TMEM39A: variants seen among roughly 807,000 people sequenced by gnomAD.
TMEM39A encodes the protein suppressor of SQST-1 aggregates in rpl-43 mutants.
In TMEM39A, 19 loss-of-function variants were observed where a neutral mutation model predicts 51.9. The observed-to-expected ratio is 0.37, with a 90% confidence interval of 0.26 to 0.54. The LOEUF (loss-of-function observed/expected upper bound fraction) is 0.54, where lower values mean the gene tolerates loss of function less well. TMEM39A is among the 20% of genes least tolerant of loss of function. The pLI, the probability that TMEM39A is intolerant of heterozygous loss-of-function variation, is 0.88. For synonymous variants in TMEM39A, 197 were observed against 220.2 expected, an observed-to-expected ratio of 0.89 and a Z score of 0.93; for missense variants, 433 against 590.5, an observed-to-expected ratio of 0.73 and a Z score of 2.76.
chr3:119,450,249 A>C (rs938638623), intron 4 of TMEM39A, among the ~76,000 whole-genome samples: 2 of 152,172 alleles, frequency 1.3e-5, no homozygotes, highest in Non-Finnish European at 2.9e-5. Flanking sequence ...ATTAGTTTGT[A>C]TGTCCTTCTG....
chr3:119,462,151 G>T lies in TMEM39A; in HGVS notation c.-74-3C>A. Reference sequence around the variant, plus strand: ...ATGGTTGTCAACCAGTTTCAACTCTGAACGACAACAAAAACATTTAAACAT... The same window carrying T: ...ATGGTTGTCAACCAGTTTCAACTCTTAACGACAACAAAAACATTTAAACAT... On this transcript the variant is annotated splice_polypyrimidine_tract_variant and splice_region_variant and intron_variant, in intron 1 of 8. Transcript: ENST00000319172. 9.2e-7 allele frequency: 1 copy of T among 1,081,510 alleles called. No homozygotes were observed. Among genetic ancestry groups the T allele is most frequent in the Non-Finnish European group, 1.4e-6 (1 of 724,442 alleles). 67.0% of individuals were successfully genotyped at this position (1,081,510 alleles called of 1,614,324 possible). A position where few individuals can be genotyped will look rare whatever the true frequency, so the allele number is the denominator to read the frequency against.
chr3:119,440,207 T>C (rs1243635053), intron 5 of TMEM39A, among the ~76,000 whole-genome samples: 1 of 152,132 alleles, frequency 6.6e-6, no homozygotes, highest in Non-Finnish European at 1.5e-5. Flanking sequence ...GAGTGTGTGG[T>C]AGATTGTAAT....
intron 5 of TMEM39A, among the ~76,000 whole-genome samples, chr3:119,444,908 T>C (rs1465856129): frequency 6.6e-6 from 1 of 152,090 alleles, no homozygotes; most frequent in Non-Finnish European, 1.5e-5. Context: ...ATCCTGTCTC[T>C]ACAAAACAAA....
In TMEM39A at chr3:119,445,198, G is replaced by A. The variant is rs1232979289; in HGVS notation, c.575+1820C>T. On this transcript the variant is annotated intron_variant, in intron 5 of 8. Coordinates refer to ENST00000319172, the MANE Select transcript of TMEM39A (RefSeq NM_018266.3). The stretch of plus-strand genomic sequence containing the variant: ...CTTGACAGGGGATTAAGTCACACAG[G>A]TATGTCCACATTTAACAAAACTCCA... 5.3e-5 allele frequency among the ~76,000 whole-genome samples: 8 copies of A among 152,294 alleles called. No individual in the cohort carries two copies. The East Asian group carries it at 1.4e-3, about 26-fold the overall frequency.
At chr3:119,454,780 T>TC (rs2081243770) in intron 3 of TMEM39A, among the ~76,000 whole-genome samples, 2 of 151,700 alleles carry the variant, frequency 1.3e-5, no homozygotes, top group South Asian at 4.2e-4. Context: ...AGAGCCAAAC[T>TC]CCGTCTCAAA....
In TMEM39A at chr3:119,436,891, A is replaced by G; in HGVS notation, c.1012T>C (p.Leu338=). 6.2e-7 allele frequency: 1 copy of G among 1,614,064 alleles called. No individual in the cohort carries two copies. Among genetic ancestry groups the G allele is most frequent in the Non-Finnish European group, 8.5e-7 (1 of 1,179,950 alleles). Residue 338 remains leucine, a synonymous_variant, in exon 7 of 9, where the codon TTG becomes CTG. Transcript: ENST00000319172. ...AGCAAATCACAGTATTTGGATGGCA[A>G]CAGTTGCGTGGTGAGCATGACAAAA... The part of the protein sequence containing the change: ...NAFVMLTTQL[L]PSKYCDLLHK...
intron 5 of TMEM39A, among the ~76,000 whole-genome samples, chr3:119,440,217 T>C (rs1261954121): frequency 6.6e-6 from 1 of 152,182 alleles, no homozygotes; most frequent in Non-Finnish European, 1.5e-5. Context: ...TAGATTGTAA[T>C]GATGGCCCCA....
intron 5 of TMEM39A, among the ~76,000 whole-genome samples, chr3:119,440,625 CCT>C (rs2081040069): frequency 6.6e-6 from 1 of 151,980 alleles, no homozygotes; most frequent in Non-Finnish European, 1.5e-5. Flanking sequence ...CAGAAAAGGG[CCT>C]CTTTCTTAGT....
chr3:119,453,441 A>T (rs2081224662), intron 3 of TMEM39A, among the ~76,000 whole-genome samples: 1 of 152,242 alleles, frequency 6.6e-6, no homozygotes, highest in Admixed American at 6.5e-5. Flanking sequence ...CTGCATCACC[A>T]TAAAATTTAA....
At chr3:119,445,464 C>A (rs543252533) in intron 5 of TMEM39A, among the ~76,000 whole-genome samples, 1 of 152,288 alleles carries the variant, frequency 6.6e-6, no homozygotes, top group South Asian at 2.1e-4. Flanking sequence ...GGGGTTTCGC[C>A]ATGTTGGCGA....
intron 3 of TMEM39A, among the ~76,000 whole-genome samples, chr3:119,457,784 A>T (rs187451048): frequency 6.6e-6 from 1 of 152,332 alleles, no homozygotes; most frequent in African/African-American, 2.4e-5. Context: ...ATATTATTAT[A>T]AAAAATTATT....
intron 1 of TMEM39A, among the ~76,000 whole-genome samples, chr3:119,462,362 C>T (rs771633298): frequency 3.3e-5 from 5 of 152,082 alleles, no homozygotes; most frequent in Non-Finnish European, 7.4e-5. Context: ...CAGCTTTAGG[C>T]AAGTGATGAT....
intron 1 of TMEM39A, among the ~76,000 whole-genome samples, chr3:119,462,676 G>A (rs1401746248): frequency 4.4e-5 from 6 of 135,262 alleles, no homozygotes; most frequent in African/African-American, 1.7e-4. Flanking sequence ...TTCTGCAGAG[G>A]TTGTCAGGAC....
chr3:119,447,293 TA>T (rs1184161344), intron 4 of TMEM39A, 121 bp from the exon 5 acceptor site: 7 of 1,046,258 alleles, frequency 6.7e-6, no homozygotes, highest in Middle Eastern at 2.3e-4. Context: ...AAAAGTGAAA[TA>T]AAAGAAAAAC....
intron 5 of TMEM39A, among the ~76,000 whole-genome samples, chr3:119,445,022 G>C (rs2081104446): frequency 6.6e-6 from 1 of 152,040 alleles, no homozygotes; most frequent in Admixed American, 6.6e-5. Context: ...CAAGGCTGCA[G>C]TGAGCTGAGA....
chr3:119,453,383 T>C (rs1001932555), intron 3 of TMEM39A, among the ~76,000 whole-genome samples: 2 of 152,216 alleles, frequency 1.3e-5, no homozygotes, highest in Non-Finnish European at 2.9e-5. Context: ...TACTTTCTAC[T>C]GTGGTGTCAG....
chr3:119,441,361 C>T lies in TMEM39A; in HGVS notation c.576-3258G>A, dbSNP rs139278175. Among the ~76,000 whole-genome samples, 6 of 152,030 alleles carry T rather than the reference C, an allele frequency of 3.9e-5. No individual in the cohort carries two copies. In the East Asian group the frequency reaches 9.7e-4, roughly 25 times the overall value. ...AAGTTATTCAAGGAAATTAAAAGTGCTACTCCAGTGAACATACAAATGGTA... is the reference window on the plus strand; with the variant it reads ...AAGTTATTCAAGGAAATTAAAAGTGTTACTCCAGTGAACATACAAATGGTA... On this transcript the variant is annotated intron_variant, in intron 5 of 8. Coordinates refer to ENST00000319172, the MANE Select transcript of TMEM39A (RefSeq NM_018266.3).
intron 2 of TMEM39A, among the ~76,000 whole-genome samples, chr3:119,460,533 A>G (rs943151742): frequency 1.3e-5 from 2 of 152,218 alleles, no homozygotes; most frequent in Non-Finnish European, 2.9e-5. Context: ...TCTAATTAAA[A>G]GAAGACGAGG....
At chr3:119,434,649 C>T (rs1197567952) in intron 8 of TMEM39A, 113 bp downstream of exon 8, 1 of 1,422,962 alleles carries the variant, frequency 7.0e-7, no homozygotes, top group Non-Finnish European at 9.5e-7. Context: ...CAATAATTAC[C>T]ATGTAATAAT....
Sources: allele counts gnomAD v4.1 joint callset (sites outside exome capture counted in the v4.1 genomes callset), GRCh38; gene constraint gnomAD v4.1.1; transcripts MANE v1.5; gene names NCBI Gene and HGNC (gene_info 2026-07-23, HGNC 2026-07-21).